The following DPF3 variants were observed in gnomAD, a reference collection of about 807,000 sequenced individuals.
The protein encoded by DPF3 is double PHD fingers 3.
DPF3 carries 18 observed loss-of-function variants against 56.8 expected under a neutral mutation model. The observed-to-expected ratio is 0.32, with a 90% confidence interval of 0.22 to 0.47. The LOEUF (loss-of-function observed/expected upper bound fraction) is 0.47, where lower values mean the gene tolerates loss of function less well. DPF3 is among the 20% of genes least tolerant of loss of function. The pLI is 1.00. For missense variants in DPF3, 403 were observed against 488.8 expected (o/e 0.82, Z 1.65); for synonymous variants, 188 against 180.2 (o/e 1.04, Z -0.35).
chr14:72,839,331 G>T (rs906309325), intron 1 of DPF3, among the ~76,000 whole-genome samples: 1 of 152,076 alleles, frequency 6.6e-6, no homozygotes, highest in African/African-American at 2.4e-5. Context: ...GCAAACCTAT[G>T]AATTTTTATC....
chr14:72,711,159 G>C (rs1888637359), intron 6 of DPF3, among the ~76,000 whole-genome samples: 1 of 152,202 alleles, frequency 6.6e-6, no homozygotes, highest in Non-Finnish European at 1.5e-5. Context: ...AAAGGGGTTG[G>C]GGTCCAAGGT....
At chr14:72,880,152 G>T (rs1425290275) in intron 1 of DPF3, among the ~76,000 whole-genome samples, 1 of 152,204 alleles carries the variant, frequency 6.6e-6, no homozygotes, top group Non-Finnish European at 1.5e-5. Flanking sequence ...ATTACCATTG[G>T]CATCACCAAA....
At chr14:72,822,249 C>T (rs35549738) in intron 1 of DPF3, among the ~76,000 whole-genome samples, 29,350 of 152,030 alleles carry the variant, frequency 0.19, 3,125 homozygotes, top group East Asian at 0.38. Flanking sequence ...GGCGTGGTAG[C>T]ACATGCCTGT....
chr14:72,727,221 A>G (rs1272461581), intron 4 of DPF3, among the ~76,000 whole-genome samples: 1 of 152,144 alleles, frequency 6.6e-6, no homozygotes, highest in Non-Finnish European at 1.5e-5. Flanking sequence ...TCCTCTGCCC[A>G]GAAAGCTCTT....
At chr14:72,672,298 C>T (rs1166977062) in intron 8 of DPF3, among the ~76,000 whole-genome samples, 1 of 152,142 alleles carries the variant, frequency 6.6e-6, no homozygotes, top group African/African-American at 2.4e-5. Flanking sequence ...CTCATGGTGC[C>T]AATTTCAGGA....
At chr14:72,880,115 C>T (rs1046364445) in intron 1 of DPF3, among the ~76,000 whole-genome samples, 1 of 152,192 alleles carries the variant, frequency 6.6e-6, no homozygotes, top group Admixed American at 6.5e-5. Context: ...ATGAGAAGAG[C>T]ATTCCAGTAT....
Position 72,755,628 on chromosome 14 carries a change from G to C in DPF3, c.194-2257C>G, listed in dbSNP as rs192596786. ...ATATCCACAAAGATGACAAATGTCA[G>C]TTGTTAATTGTCATGAGTTAGCTGA... On this transcript the variant is annotated intron_variant, in intron 2 of 10. Coordinates refer to ENST00000556509, the MANE Select transcript of DPF3 (RefSeq NM_001280542.3). Among the ~76,000 whole-genome samples, 6 of 152,274 alleles carry C rather than the reference G, an allele frequency of 3.9e-5. No individual in the cohort carries two copies. In the East Asian group the frequency reaches 1.2e-3, roughly 29 times the overall value.
rs1245835769 is a variant in DPF3 at position 72,612,273 on chromosome 14, T to G, written c.*7024A>C. Among the ~76,000 whole-genome samples the G allele has an allele frequency of 6.6e-6, 1 of 152,068 alleles. No homozygotes were observed. Among genetic ancestry groups the G allele is most frequent in the Non-Finnish European group, 1.5e-5 (1 of 68,000 alleles). On this transcript the variant is annotated 3_prime_UTR_variant, in exon 11 of 11. Coordinates refer to ENST00000556509, the MANE Select transcript of DPF3 (RefSeq NM_001280542.3). ...TTGCAAAAGCATGACCCATCTGCTT[T>G]CCCAAATGCCATGTGGACCAGACGC...
intron 2 of DPF3, among the ~76,000 whole-genome samples, chr14:72,759,608 A>T (rs1890986323): frequency 6.6e-6 from 1 of 152,148 alleles, no homozygotes; most frequent in Non-Finnish European, 1.5e-5. Flanking sequence ...GAAGAAAGAA[A>T]GAATTTAAAA....
chr14:72,758,156 A>G (rs1356436021), intron 2 of DPF3, among the ~76,000 whole-genome samples: 2 of 152,228 alleles, frequency 1.3e-5, no homozygotes, highest in Non-Finnish European at 2.9e-5. Context: ...ATTAAAATAA[A>G]AAGCATACAT....
intron 1 of DPF3, among the ~76,000 whole-genome samples, chr14:72,859,018 G>A (rs887003960): frequency 6.6e-6 from 1 of 152,016 alleles, no homozygotes; most frequent in African/African-American, 2.4e-5. Context: ...AACAGTAACT[G>A]GATATTTAAT....
At chr14:72,650,037 C>T (rs1191596959) in intron 8 of DPF3, among the ~76,000 whole-genome samples, 1 of 152,218 alleles carries the variant, frequency 6.6e-6, no homozygotes, top group African/African-American at 2.4e-5. Context: ...GGTGGCCTCC[C>T]CTGCCAGAGG....
rs1465304290 is a variant in DPF3, at chr14:72,619,352, T to C, written c.1082A>G (p.His361Arg). The change falls in exon 11 of 11, where the codon CAC becomes CGC. Residue 361 changes from histidine to arginine, a missense_variant. By Grantham distance (29) the His-to-Arg change is conservative. Transcript: ENST00000556509. The part of the protein sequence containing the change: ...AEPPEGSWSC[H>R]LCWELLKEKA... ...CTCTTTGAGCAGTTCCCAGCATAAG[T>C]GGCAGCTCCAGCTTCCTGCAAGAAA... 13 of 1,536,014 alleles carry C rather than the reference T, an allele frequency of 8.5e-6. No homozygotes were observed. Among genetic ancestry groups the C allele is most frequent in the Admixed American group, 5.9e-5 (3 of 50,974 alleles).
chr14:72,848,229 T>A (rs1884837484), intron 1 of DPF3, among the ~76,000 whole-genome samples: 1 of 152,188 alleles, frequency 6.6e-6, no homozygotes, highest in Non-Finnish European at 1.5e-5. Flanking sequence ...AATGGCGCGA[T>A]CTCGGCTCAC....
intron 1 of DPF3, among the ~76,000 whole-genome samples, chr14:72,832,015 T>G (rs1389965690): frequency 6.6e-6 from 1 of 152,026 alleles, no homozygotes; most frequent in Non-Finnish European, 1.5e-5. Flanking sequence ...GTCAAGAATT[T>G]GAGACCAGCC....
At chr14:72,825,974 C>T (rs1026211472) in intron 1 of DPF3, among the ~76,000 whole-genome samples, 5 of 151,762 alleles carry the variant, frequency 3.3e-5, no homozygotes, top group South Asian at 2.1e-4. Context: ...AGGAACTGCT[C>T]TGCCATGGAG....
At chr14:72,812,674 G>A (rs1337203689) in intron 1 of DPF3, among the ~76,000 whole-genome samples, 1 of 152,144 alleles carries the variant, frequency 6.6e-6, no homozygotes, top group Non-Finnish European at 1.5e-5. Flanking sequence ...TTGTAGCTAG[G>A]CCTGGGGGGA....
intron 1 of DPF3, among the ~76,000 whole-genome samples, chr14:72,877,415 T>C (rs2140119724): frequency 6.6e-6 from 1 of 152,200 alleles, no homozygotes; most frequent in South Asian, 2.1e-4. Context: ...TATTCCATCA[T>C]TTGGGAGCAG....
At chr14:72,888,440 C>T (rs1467634487) in intron 1 of DPF3, among the ~76,000 whole-genome samples, 7 of 152,138 alleles carry the variant, frequency 4.6e-5, no homozygotes, top group Admixed American at 2.0e-4. Flanking sequence ...CACCAGTAAC[C>T]GGACCAATAA....
Sources: gnomAD v4.1 joint callset for allele counts (sites outside exome capture counted in the v4.1 genomes callset) on GRCh38, gnomAD v4.1.1 for gene constraint, MANE v1.5 for transcripts, NCBI Gene and HGNC (gene_info 2026-07-23, HGNC 2026-07-21) for gene names.